JARID2: variants seen among roughly 807,000 people sequenced by gnomAD.
JARID2 encodes the protein protein Jumonji.
In JARID2, 21 loss-of-function variants were observed where a neutral mutation model predicts 125.6. The observed-to-expected ratio is 0.17, with a 90% CI of 0.12 to 0.24. JARID2 has a LOEUF of 0.24. JARID2 is among the 10% of genes least tolerant of loss of function. The probability of loss-of-function intolerance (pLI) is 1.00; values close to 1 mark genes in which losing one functional copy is unlikely to be tolerated. For missense variants in JARID2, 1,303 were observed against 1,639.6 expected, an observed-to-expected ratio of 0.79 and a Z score of 3.55; for synonymous variants, 736 against 661.6, an observed-to-expected ratio of 1.11 and a Z score of -1.73.
chr6:15,498,850 T>TG (rs1770590915), intron 7 of JARID2, among the ~76,000 whole-genome samples: 1 of 152,190 alleles, frequency 6.6e-6, no homozygotes, highest in African/African-American at 2.4e-5. Context: ...CATGACTACT[T>TG]GGGACACAGG....
Position 15,520,467 on chromosome 6 carries a change from C to G in JARID2, c.*216C>G. On this transcript the variant is annotated 3_prime_UTR_variant, in exon 18 of 18. Coordinates refer to ENST00000341776, the MANE Select transcript of JARID2 (RefSeq NM_004973.4). Reference sequence around the variant, plus strand: ...ACTGCAGTCAGATTTTGGAAACTGCCGTATAGTCACTGTTTTAAAAACCCC... The same window carrying G: ...ACTGCAGTCAGATTTTGGAAACTGCGGTATAGTCACTGTTTTAAAAACCCC... 1 of 448,734 alleles carries G rather than the reference C, an allele frequency of 2.2e-6. No homozygotes were observed. Among genetic ancestry groups the G allele is most frequent in the South Asian group, 3.2e-5 (1 of 30,952 alleles). The allele number at this position is 448,734 out of a possible 1,614,324, so 27.8% of individuals were successfully genotyped here.
chr6:15,352,156 T>C (rs1338398089), intron 1 of JARID2, among the ~76,000 whole-genome samples: 3 of 152,170 alleles, frequency 2.0e-5, no homozygotes, highest in Admixed American at 6.5e-5. Context: ...GAAATCCTGT[T>C]AGTTTCTTGA....
In JARID2 at chr6:15,294,567, TGAG is replaced by T. The variant is rs71714552; in HGVS notation, c.45+47990_45+47992del. On this transcript the variant is annotated intron_variant, in intron 1 of 17. Transcript: ENST00000341776. ...GTGAAAACCTGCTTACCCTAGCAAG[TGAG>T]GAGGAGTGAAAGTGCAGGGCCCAGT... Among the ~76,000 whole-genome samples, 1,496 of 152,008 alleles carry T rather than the reference TGAG, an allele frequency of 9.8e-3. 11 individuals are homozygous for T. The highest frequency in any genetic ancestry group is 0.015 in the Non-Finnish European group (1,033 of 67,948).
intron 3 of JARID2, among the ~76,000 whole-genome samples, chr6:15,445,840 G>A (rs1199390614): frequency 6.6e-6 from 1 of 152,226 alleles, no homozygotes; most frequent in Non-Finnish European, 1.5e-5. Context: ...TCTTAAGGGA[G>A]GGCCATGTAG....
Position 15,511,473 on chromosome 6 carries a change from G to A in JARID2, c.2952+72G>A, listed in dbSNP as rs1489441861. 10 of 1,031,472 alleles carry A rather than the reference G, an allele frequency of 9.7e-6. No homozygotes were observed. The East Asian group carries it at 2.4e-4, about 25-fold the overall frequency. The allele number at this position is 1,031,472 out of a possible 1,614,324, so 63.9% of individuals were successfully genotyped here. A position where few individuals can be genotyped will look rare whatever the true frequency, so the allele number is the denominator to read the frequency against. On this transcript the variant is annotated intron_variant, in intron 13 of 17. Transcript: ENST00000341776. ...TAGGCACTTGAACATGGTTTCCCAT[G>A]AACCCGCCTTTCAAAGGCAATGAGG...
chr6:15,326,482 C>T (rs982248414), intron 1 of JARID2, among the ~76,000 whole-genome samples: 31 of 152,196 alleles, frequency 2.0e-4, no homozygotes, highest in African/African-American at 6.3e-4. Context: ...TGAGCCACCA[C>T]GCCTGGCCTG....
chr6:15,305,489 A>G (rs544948743), intron 1 of JARID2, among the ~76,000 whole-genome samples: 6 of 152,296 alleles, frequency 3.9e-5, no homozygotes, highest in African/African-American at 1.2e-4. Context: ...GCCCTACAAC[A>G]TAGCTTAGCT....
chr6:15,512,396 C>T lies in JARID2; in HGVS notation c.3135+6C>T, dbSNP rs770485605. On this transcript the variant is annotated splice_donor_region_variant and intron_variant, in intron 14 of 17. Coordinates refer to ENST00000341776, the MANE Select transcript of JARID2 (RefSeq NM_004973.4). Reference sequence around the variant, plus strand: ...TGGGCTTTGAGACCGCCAAGGTGAGCAGAGCCGGCCTCCTCCCGCTTGCTG... The same window carrying T: ...TGGGCTTTGAGACCGCCAAGGTGAGTAGAGCCGGCCTCCTCCCGCTTGCTG... 29 of 1,611,890 alleles carry T rather than the reference C, an allele frequency of 1.8e-5. No individual in the cohort carries two copies. Among genetic ancestry groups the T allele is most frequent in the Non-Finnish European group, 2.3e-5 (27 of 1,178,184 alleles).
chr6:15,512,721 C>T (rs752845110), intron 14 of JARID2, among the ~76,000 whole-genome samples, 194 bp from the exon 15 acceptor site: 24 of 152,112 alleles, frequency 1.6e-4, no homozygotes, highest in Non-Finnish European at 2.6e-4. Flanking sequence ...CTCTGGGTAG[C>T]GGCGAAGTGC....
intron 1 of JARID2, among the ~76,000 whole-genome samples, chr6:15,277,955 A>C (rs538630536): frequency 1.3e-5 from 2 of 152,320 alleles, no homozygotes; most frequent in East Asian, 1.9e-4. Flanking sequence ...CCCATAAAAA[A>C]GGTGAACTCT....
At chr6:15,470,685 G>T (rs1050436149) in intron 5 of JARID2, among the ~76,000 whole-genome samples, 1 of 148,396 alleles carries the variant, frequency 6.7e-6, no homozygotes, top group African/African-American at 2.5e-5. Context: ...TTAACCTTTC[G>T]GGAAAAGGTT....
intron 3 of JARID2, among the ~76,000 whole-genome samples, chr6:15,413,387 T>C (rs1435415302): frequency 6.6e-6 from 1 of 152,190 alleles, no homozygotes; most frequent in East Asian, 1.9e-4. Context: ...TACTGATTCC[T>C]AAAAATTCAT....
chr6:15,355,741 A>C (rs1763577842), intron 1 of JARID2, among the ~76,000 whole-genome samples: 1 of 151,970 alleles, frequency 6.6e-6, no homozygotes, highest in South Asian at 2.1e-4. Flanking sequence ...TCTCCAGAGG[A>C]GGTGGGACCA....
intron 2 of JARID2, 81 bp from the exon 3 acceptor site, chr6:15,410,143 C>T (rs558956547): frequency 3.9e-6 from 5 of 1,268,192 alleles, no homozygotes; most frequent in Admixed American, 2.0e-5. Context: ...TCTTCATCAG[C>T]GTTGTGTAGG....
intron 1 of JARID2, chr6:15,324,282 G>T (rs1762460332): frequency 6.6e-6 from 1 of 151,242 alleles, no homozygotes. Flanking sequence ...GGAAATCTTT[G>T]TATAACCTAA....
At chr6:15,432,378 A>T (rs1767003185) in intron 3 of JARID2, among the ~76,000 whole-genome samples, 1 of 152,142 alleles carries the variant, frequency 6.6e-6, no homozygotes, top group African/African-American at 2.4e-5. Flanking sequence ...CAGTGAGCTG[A>T]GATTGCGCCA....
At chr6:15,487,067 G>A (rs1456810495) in intron 5 of JARID2, among the ~76,000 whole-genome samples, 1 of 152,116 alleles carries the variant, frequency 6.6e-6, no homozygotes, top group South Asian at 2.1e-4. Context: ...AAGGTAGAGC[G>A]TGAGGTGGGA....
intron 5 of JARID2, among the ~76,000 whole-genome samples, chr6:15,482,975 G>GA (rs892869309): frequency 6.6e-6 from 1 of 152,194 alleles, no homozygotes; most frequent in African/African-American, 2.4e-5. Flanking sequence ...TCGAACTCAT[G>GA]ATGGCAGATA....
At chr6:15,318,302 C>T (rs372866590) in intron 1 of JARID2, among the ~76,000 whole-genome samples, 22 of 152,196 alleles carry the variant, frequency 1.4e-4, no homozygotes, top group East Asian at 9.6e-4. Flanking sequence ...CTGGAGGACA[C>T]GTGGATCCAG....
Sources: allele counts gnomAD v4.1 joint callset (sites outside exome capture counted in the v4.1 genomes callset), GRCh38; gene constraint gnomAD v4.1.1; transcripts MANE v1.5; gene names NCBI Gene and HGNC (gene_info 2026-07-23, HGNC 2026-07-21).